Variants in HMGB1 observed in about 807,000 individuals in gnomAD.
The protein encoded by HMGB1 is high mobility group box 1.
For synonymous variants in HMGB1, 81 were observed against 84.0 expected, an observed-to-expected ratio of 0.96 and a Z score of 0.19; for missense variants, 79 against 253.5, an observed-to-expected ratio of 0.31 and a Z score of 4.67.
At chr13:30,471,970 C>G (rs1176301142) in intron 1 of HMGB1, among the ~76,000 whole-genome samples, 1 of 151,532 alleles carries the variant, frequency 6.6e-6, no homozygotes, top group Non-Finnish European at 1.5e-5. Context: ...GGCTGGCCAC[C>G]AATGGGCTTT....
At chr13:30,464,733 G>C (rs1886622269) in intron 1 of HMGB1, 8 of 653,916 alleles carry the variant, frequency 1.2e-5, no homozygotes, top group Non-Finnish European at 1.5e-5. Flanking sequence ...GCGAGGGCGA[G>C]CGCGAGCGAG....
At chr13:30,556,990 A>T (rs1217007029) in intron 1 of HMGB1, among the ~76,000 whole-genome samples, 1 of 152,244 alleles carries the variant, frequency 6.6e-6, no homozygotes, top group African/African-American at 2.4e-5. Context: ...GTATGGAAAT[A>T]TAATTATGTG....
intron 1 of HMGB1, among the ~76,000 whole-genome samples, chr13:30,511,784 C>A (rs1887997320): frequency 6.6e-6 from 1 of 152,146 alleles, no homozygotes; most frequent in Non-Finnish European, 1.5e-5. Flanking sequence ...TACCTGCAGG[C>A]CCCAAACATT....
At chr13:30,461,617 G>C (rs562363564) in intron 4 of HMGB1, 84 bp from the exon 5 acceptor site, 1 of 1,577,884 alleles carries the variant, frequency 6.3e-7, no homozygotes, top group Admixed American at 1.8e-5. Flanking sequence ...CTTTATGAAA[G>C]AAATCAAGAT....
chr13:30,465,724 G>A (rs1180793295), intron 1 of HMGB1, 72 bp downstream of exon 1: 2 of 857,230 alleles, frequency 2.3e-6, no homozygotes, highest in Non-Finnish European at 2.8e-6. Context: ...CCGGCCGCGG[G>A]GATCCGGCCG....
At chr13:30,510,509 CCA>C (rs1232699155) in intron 1 of HMGB1, among the ~76,000 whole-genome samples, 6 of 151,974 alleles carry the variant, frequency 3.9e-5, no homozygotes, top group Non-Finnish European at 8.8e-5. Context: ...CTTACCAGCC[CCA>C]GTTTGCCTAT....
intron 1 of HMGB1, among the ~76,000 whole-genome samples, chr13:30,538,514 T>TCTTTCTTTC (rs1351964666): frequency 7.2e-6 from 1 of 138,758 alleles, no homozygotes; most frequent in Admixed American, 7.0e-5. Flanking sequence ...TTCTTTCCTT[T>TCTTTCTTTC]CTTTCTTTCC....
chr13:30,528,885 C>T (rs1888432187), intron 1 of HMGB1, among the ~76,000 whole-genome samples: 1 of 151,950 alleles, frequency 6.6e-6, no homozygotes, highest in South Asian at 2.1e-4. Flanking sequence ...AAAAATTAGC[C>T]AGGCGTGGTG....
At chr13:30,505,140 A>T (rs897501320) in intron 1 of HMGB1, among the ~76,000 whole-genome samples, 6 of 79,688 alleles carry the variant, frequency 7.5e-5, no homozygotes, top group Non-Finnish European at 1.3e-4. Context: ...CAGCTAATTT[A>T]TATATATATA....
chr13:30,518,395 T>C (rs1888148789), intron 1 of HMGB1, among the ~76,000 whole-genome samples: 1 of 152,186 alleles, frequency 6.6e-6, no homozygotes, highest in African/African-American at 2.4e-5. Context: ...TTGTGTTGAA[T>C]TGTCTGTGAT....
intron 1 of HMGB1, among the ~76,000 whole-genome samples, chr13:30,562,983 A>C (rs1234327618): frequency 6.6e-6 from 1 of 152,252 alleles, no homozygotes; most frequent in African/African-American, 2.4e-5. Flanking sequence ...TGTAAGAGCC[A>C]GGTCTGCGAT....
chr13:30,614,039 T>C (rs1351818308), intron 1 of HMGB1, among the ~76,000 whole-genome samples: 10 of 152,044 alleles, frequency 6.6e-5, no homozygotes, highest in Non-Finnish European at 1.3e-4. Flanking sequence ...ACAAATAAGG[T>C]ACATAATCAC....
chr13:30,525,037 A>G (rs1231365331), intron 1 of HMGB1, among the ~76,000 whole-genome samples: 2 of 152,224 alleles, frequency 1.3e-5, no homozygotes, highest in Non-Finnish European at 2.9e-5. Context: ...ATGGCTTTGA[A>G]GTCTAACAGG....
intron 1 of HMGB1, among the ~76,000 whole-genome samples, chr13:30,492,164 C>G (rs1887511175): frequency 6.8e-6 from 1 of 147,298 alleles, no homozygotes; most frequent in South Asian, 2.1e-4. Context: ...AAGACTCCCT[C>G]TAAAAAAAAA....
chr13:30,488,293 A>AAAAC (rs1215241635), intron 1 of HMGB1, among the ~76,000 whole-genome samples: 1 of 152,236 alleles, frequency 6.6e-6, no homozygotes, highest in Non-Finnish European at 1.5e-5. Context: ...ATCACTAAAC[A>AAAAC]AAACAAAAAC....
intron 1 of HMGB1, among the ~76,000 whole-genome samples, chr13:30,616,106 G>C (rs193090641): frequency 1.3e-5 from 2 of 152,128 alleles, no homozygotes; most frequent in Admixed American, 1.3e-4. Flanking sequence ...ATAAACGAAA[G>C]GGGTTTTCTA....
intron 1 of HMGB1, among the ~76,000 whole-genome samples, chr13:30,556,310 A>G (rs1869685023): frequency 6.6e-6 from 1 of 152,212 alleles, no homozygotes; most frequent in South Asian, 2.1e-4. Flanking sequence ...GAGCTGAGGC[A>G]GGAGAATTGC....
chr13:30,545,383 TATTA>T lies in HMGB1; in HGVS notation c.-15+71284_-15+71287del, dbSNP rs142924361. 4.5e-3 allele frequency among the ~76,000 whole-genome samples: 671 copies of T among 150,266 alleles called. 4 individuals are homozygous for T. The highest frequency in any genetic ancestry group is 0.016 in the African/African-American group (653 of 41,140). On this transcript the variant is annotated intron_variant, in intron 1 of 4. Coordinates refer to the HMGB1 transcript ENST00000405805. Reference sequence around the variant, plus strand: ...TAACTGAATATTATTATTATTAATATATTAATAATATTAATATTATTCTGTTATT... The same window carrying T: ...TAACTGAATATTATTATTATTAATATATAATATTAATATTATTCTGTTATT...
intron 1 of HMGB1, among the ~76,000 whole-genome samples, chr13:30,565,590 A>ATCTT (rs1870152614): frequency 3.3e-5 from 5 of 152,210 alleles, no homozygotes; most frequent in African/African-American, 7.2e-5. Flanking sequence ...TTAACGCATA[A>ATCTT]GCAAATCACC....
Sources: gnomAD v4.1 joint callset for allele counts (sites outside exome capture counted in the v4.1 genomes callset) on GRCh38, gnomAD v4.1.1 for gene constraint, MANE v1.5 for transcripts, NCBI Gene and HGNC (gene_info 2026-07-23, HGNC 2026-07-21) for gene names.